APBA3: variants seen among roughly 807,000 people sequenced by gnomAD.
APBA3 encodes amyloid-beta A4 precursor protein-binding family A member 3.
In APBA3, 45 loss-of-function variants were observed where a neutral mutation model predicts 55.9. The observed-to-expected ratio is 0.80, with a 90% confidence interval of 0.63 to 1.03. The LOEUF (loss-of-function observed/expected upper bound fraction) is 1.03, where lower values mean the gene tolerates loss of function less well. APBA3 is among the 50% of genes least tolerant of loss of function. APBA3 has a pLI of 0.00. For missense variants in APBA3, 865 were observed against 820.3 expected (o/e 1.05, Z -0.67); for synonymous variants, 370 against 353.3 (o/e 1.05, Z -0.53).
At chr19:3,753,133 G>C (rs936231947) in intron 6 of APBA3, 143 bp from the exon 7 acceptor site, 23 of 959,388 alleles carry the variant, frequency 2.4e-5, no homozygotes, top group Admixed American at 1.1e-4. Context: ...CTGGGGCTTT[G>C]GGGGAGGTGG....
rs1199689375 is a variant in APBA3, at chr19:3,759,466, C to T, written c.616+95G>A. The T allele has an allele frequency of 1.1e-5, 14 of 1,284,434 alleles. No homozygotes were observed. In the East Asian group the frequency reaches 1.5e-4, roughly 14 times the overall value. The allele number at this position is 1,284,434 out of a possible 1,614,324, so 79.6% of individuals were successfully genotyped here. ...CACCCTCAGAGGCTCCCGAGAACCT[C>T]GTCCTTACTGGCAAGCTGTTGCCAG... is the stretch of plus-strand genomic sequence containing the variant. On this transcript the variant is annotated intron_variant, in intron 3 of 10. Transcript: ENST00000316757.
intron 3 of APBA3, 63 bp downstream of exon 3, chr19:3,759,498 G>A (rs2037117234): frequency 1.3e-6 from 2 of 1,484,064 alleles, no homozygotes; most frequent in South Asian, 1.2e-5. Context: ...CCAGGCTGGT[G>A]AGCCTGATTC....
intron 8 of APBA3, 26 bp from the exon 9 acceptor site, chr19:3,751,579 ACT>A (rs773822465): frequency 1.2e-5 from 19 of 1,568,422 alleles, no homozygotes; most frequent in Non-Finnish European, 1.7e-6. Flanking sequence ...CGTTGGCCTC[ACT>A]CAGCTGCCGG....
In APBA3 at chr19:3,754,424, G is replaced by A. The variant is rs547069782; in HGVS notation, c.617-84C>T. 728 of 1,485,838 alleles carry A rather than the reference G, an allele frequency of 4.9e-4. 1 individual carries two copies. The highest frequency in any genetic ancestry group is 4.9e-4 in the Non-Finnish European group (550 of 1,115,538). 92.0% of individuals were successfully genotyped at this position (1,485,838 alleles called of 1,614,324 possible). ...CAGGGCTACGCTCTCCGAGATGGCCGGGAGACACAGTGTTCTAGCTGGTGG... is the reference window on the plus strand; with the variant it reads ...CAGGGCTACGCTCTCCGAGATGGCCAGGAGACACAGTGTTCTAGCTGGTGG... On this transcript the variant is annotated intron_variant, in intron 3 of 10. Transcript: ENST00000316757.
Position 3,752,590 on chromosome 19 carries a change from A to C in APBA3, c.1313T>G (p.Leu438Arg). The C allele has an allele frequency of 6.3e-7, 1 of 1,586,216 alleles. No individual in the cohort carries two copies. The highest frequency in any genetic ancestry group is 8.5e-7 in the Non-Finnish European group (1 of 1,171,408). ...GGCGGTCAGGCGGTCCCCGATGCTGAGGGCCCCCGAGCGCTCAGCAGGCCC... is the reference window on the plus strand; with the variant it reads ...GGCGGTCAGGCGGTCCCCGATGCTGCGGGCCCCCGAGCGCTCAGCAGGCCC... ...HGGPAERSGA[L>R]SIGDRLTAIN... is the part of the protein sequence containing the mutation. The change falls in exon 8 of 11, where the codon CTC becomes CGC. Residue 438 changes from leucine to arginine, a missense_variant. Leu to Arg is a moderately radical substitution (Grantham distance 102). Transcript: ENST00000316757.
chr19:3,759,445 C>T (rs542930560), intron 3 of APBA3, 116 bp downstream of exon 3: 3 of 1,085,128 alleles, frequency 2.8e-6, no homozygotes, highest in South Asian at 1.4e-5. Context: ...CGAAACCACC[C>T]TCAGAGGCTC....
intron 6 of APBA3, chr19:3,753,419 G>T: frequency 2.8e-6 from 1 of 354,874 alleles, no homozygotes; most frequent in Non-Finnish European, 5.1e-6. Context: ...GAGGTGGGTG[G>T]ATCGCTTGAG....
rs776872539 is a variant in APBA3 at position 3,751,410 on chromosome 19, CGGGGCCA to C, written c.1515+17_1515+23del. ...TCAGGGCCGCCCTACCCCCCCACCC[CGGGGCCA>C]GGGGCCGGGGCCTCACGATGCCGTC... On this transcript the variant is annotated intron_variant, in intron 9 of 10. Coordinates refer to ENST00000316757, the MANE Select transcript of APBA3 (RefSeq NM_004886.4). 14 of 1,517,084 alleles carry C rather than the reference CGGGGCCA, an allele frequency of 9.2e-6. 1 individual carries two copies. The South Asian group carries it at 1.6e-4, about 17-fold the overall frequency. The allele number at this position is 1,517,084 out of a possible 1,614,324, so 94.0% of individuals were successfully genotyped here. A position where few individuals can be genotyped will look rare whatever the true frequency, so the allele number is the denominator to read the frequency against.
In APBA3 at chr19:3,754,011, C is replaced by T. The variant is rs1249548501; in HGVS notation, c.849+8G>A. 1 of 1,606,266 alleles carries T rather than the reference C, an allele frequency of 6.2e-7. No homozygotes were observed. The highest frequency in any genetic ancestry group is 8.5e-7 in the Non-Finnish European group (1 of 1,176,564). On this transcript the variant is annotated splice_region_variant and intron_variant, in intron 5 of 10. Coordinates refer to ENST00000316757, the MANE Select transcript of APBA3 (RefSeq NM_004886.4). ...CCCGCATCCCTGGGGCGGGTCCCTGCCCCGTACCTGGGAGTCCGCTGTCAA... is the reference window on the plus strand; with the variant it reads ...CCCGCATCCCTGGGGCGGGTCCCTGTCCCGTACCTGGGAGTCCGCTGTCAA...
intron 3 of APBA3, among the ~76,000 whole-genome samples, chr19:3,757,226 G>A (rs2145723414): frequency 6.6e-6 from 1 of 151,916 alleles, no homozygotes; most frequent in South Asian, 2.1e-4. Context: ...AGCCTCCCAA[G>A]TAGCTGGGAT....
rs1210636794 is a variant in APBA3 at position 3,752,903 on chromosome 19, C to T, written c.1099G>A (p.Val367Met). 3.7e-6 allele frequency: 6 copies of T among 1,613,322 alleles called. No homozygotes were observed. Among genetic ancestry groups the T allele is most frequent in the Non-Finnish European group, 5.1e-6 (6 of 1,179,924 alleles). ...LRESGIDPSQ[V>M]GVHPSPGACH... ...GCGCCTGGGCTCGGGTGCACGCCCA[C>T]CTGGCTGGGGTCAATACCGCTTTCC... The change falls in exon 7 of 11, where the codon GTG (valine) becomes ATG (methionine). Residue 367 changes from valine to methionine, a missense_variant. Transcript: ENST00000316757.
chr19:3,760,496 T>C (rs1053141530), intron 1 of APBA3, among the ~76,000 whole-genome samples, 195 bp from the exon 2 acceptor site: 1 of 150,672 alleles, frequency 6.6e-6, no homozygotes, highest in Non-Finnish European at 1.5e-5. Flanking sequence ...CGCCTGTAAT[T>C]CCCAGCACTT....
chr19:3,759,636 C>T (rs866328688), intron 2 of APBA3, 36 bp from the exon 3 acceptor site: 45 of 1,603,876 alleles, frequency 2.8e-5, no homozygotes, highest in Middle Eastern at 3.3e-4. Flanking sequence ...GACTGAGTCT[C>T]CCTGCTTGGT....
chr19:3,751,616 T>C, intron 8 of APBA3, 63 bp from the exon 9 acceptor site: 1 of 1,511,178 alleles, frequency 6.6e-7, no homozygotes. Context: ...TGTAGCCCCC[T>C]CTGGGCCTCA....
Position 3,752,858 on chromosome 19 carries a change from C to A in APBA3, c.1144G>T (p.Asp382Tyr). ...SPGACHLHNG[D>Y]LDHFSNSDNC... ...TCACTGTTGGAGAAGTGGTCCAGGTCCCCATTATGGAGGTGGCAGGCGCCT... is the reference window on the plus strand; with the variant it reads ...TCACTGTTGGAGAAGTGGTCCAGGTACCCATTATGGAGGTGGCAGGCGCCT... Residue 382 changes from aspartate to tyrosine, a missense_variant, in exon 7 of 11, where the codon GAC becomes TAC. Asp to Tyr is a radical substitution (Grantham distance 160). Coordinates refer to ENST00000316757, the MANE Select transcript of APBA3 (RefSeq NM_004886.4). 6.2e-7 allele frequency: 1 copy of A among 1,613,444 alleles called. No homozygotes were observed. The highest frequency in any genetic ancestry group is 8.5e-7 in the Non-Finnish European group (1 of 1,179,886).
chr19:3,759,573 C>A lies in APBA3; in HGVS notation c.604G>T (p.Ala202Ser). 2 of 1,599,178 alleles carry A rather than the reference C, an allele frequency of 1.3e-6. No homozygotes were observed. The highest frequency in any genetic ancestry group is 1.3e-5 in the African/African-American group (1 of 74,428). ...GCGGGACACTCACCCTCCTGGGGGG[C>A]AGGGTAGGAAGCCAGGGTCTCGGGG... is the stretch of plus-strand genomic sequence containing the variant. Reference protein sequence around the residue: ...QSPETLASYPAPQEVPGPCDH... With the variant: ...QSPETLASYPSPQEVPGPCDH... The change falls in exon 3 of 11, where the codon GCC (alanine) becomes TCC (serine). Residue 202 changes from alanine (A) to serine (S), a missense_variant. Transcript: ENST00000316757.
At chr19:3,760,673 CG>C (rs1460245028) in intron 1 of APBA3, among the ~76,000 whole-genome samples, 1 of 148,208 alleles carries the variant, frequency 6.7e-6, no homozygotes, top group African/African-American at 2.5e-5. Flanking sequence ...CGCCTGAACC[CG>C]GGAGGCGGAG....
chr19:3,751,138 G>GC (rs1431402405), intron 10 of APBA3, 41 bp from the exon 11 acceptor site: 2 of 1,558,310 alleles, frequency 1.3e-6, no homozygotes, highest in Non-Finnish European at 1.7e-6. Flanking sequence ...GCAGGCCTGG[G>GC]CTCGTGGGGG....
chr19:3,751,589 C>A, intron 8 of APBA3, 36 bp from the exon 9 acceptor site: 1 of 1,559,188 alleles, frequency 6.4e-7, no homozygotes. Context: ...ACTCAGCTGC[C>A]GGACAGCCTG....
Sources: gnomAD v4.1 joint callset for allele counts (sites outside exome capture counted in the v4.1 genomes callset) on GRCh38, gnomAD v4.1.1 for gene constraint, MANE v1.5 for transcripts, NCBI Gene and HGNC (gene_info 2026-07-23, HGNC 2026-07-21) for gene names.